Variants in PTPN22 observed in about 807,000 individuals in gnomAD.
The protein encoded by PTPN22 is protein tyrosine phosphatase non-receptor type 22, also known as tyrosine-protein phosphatase non-receptor type 22.
PTPN22 carries 85 observed loss-of-function variants against 103.3 expected under a neutral mutation model. That is an observed-to-expected ratio of 0.82 (90% confidence interval 0.69 to 0.99). The LOEUF is 0.99. Among genes scored for constraint, PTPN22 ranks in the 50% least tolerant of loss-of-function variants. The pLI, the probability that PTPN22 is intolerant of heterozygous loss-of-function variation, is 0.00. For synonymous variants in PTPN22, 323 were observed against 310.2 expected (o/e 1.04, Z -0.43); for missense variants, 865 against 936.9 (o/e 0.92, Z 1.00).
intron 11 of PTPN22, among the ~76,000 whole-genome samples, chr1:113,843,968 C>A (rs371446751): frequency 2.1e-4 from 32 of 152,230 alleles, no homozygotes; most frequent in African/African-American, 7.7e-4. Flanking sequence ...TGGTGACTCA[C>A]GCCTGTAATC....
intron 20 of PTPN22, among the ~76,000 whole-genome samples, chr1:113,816,452 A>AC (rs1265525509): frequency 6.6e-6 from 1 of 150,580 alleles, no homozygotes; most frequent in Non-Finnish European, 1.5e-5. Flanking sequence ...AAAAAAAAAA[A>AC]CAGCATCCAG....
intron 7 of PTPN22, among the ~76,000 whole-genome samples, chr1:113,855,995 A>G (rs993757036): frequency 1.3e-5 from 2 of 152,170 alleles, no homozygotes; most frequent in Non-Finnish European, 2.9e-5. Flanking sequence ...TTGAAGACAT[A>G]TTATAACAAT....
At chr1:113,853,121 T>G (rs1222603401) in intron 9 of PTPN22, among the ~76,000 whole-genome samples, 1 of 150,984 alleles carries the variant, frequency 6.6e-6, no homozygotes, top group East Asian at 2.0e-4. Flanking sequence ...TATTTTTAGT[T>G]GAGACAGGGT....
intron 16 of PTPN22, among the ~76,000 whole-genome samples, chr1:113,831,745 C>T (rs1337164511): frequency 6.6e-6 from 1 of 152,140 alleles, no homozygotes; most frequent in African/African-American, 2.4e-5. Context: ...TCCAGTAATG[C>T]CATCCTGTTT....
chr1:113,854,681 G>C (rs1270216479), intron 8 of PTPN22, 144 bp from the exon 9 acceptor site: 1 of 995,220 alleles, frequency 1.0e-6, no homozygotes, highest in Non-Finnish European at 1.5e-6. Context: ...CCATTTCCCA[G>C]AGCCCATTTG....
intron 18 of PTPN22, among the ~76,000 whole-genome samples, chr1:113,826,659 A>ATTTTTTTT: frequency 1.6e-5 from 1 of 63,098 alleles, no homozygotes; most frequent in African/African-American, 6.8e-5. Context: ...GGAGTCTCTA[A>ATTTTTTTT]TTTTTTTTTT....
chr1:113,859,190 G>T, intron 2 of PTPN22, 112 bp from the exon 3 acceptor site: 1 of 1,542,516 alleles, frequency 6.5e-7, no homozygotes, highest in South Asian at 1.2e-5. Flanking sequence ...GTGAGTGAAT[G>T]AATGAATGAA....
chr1:113,854,018 A>G (rs1396760083), intron 9 of PTPN22, among the ~76,000 whole-genome samples: 1 of 151,340 alleles, frequency 6.6e-6, no homozygotes, highest in African/African-American at 2.4e-5. Context: ...GGCGTCCACC[A>G]CCATGCCCGG....
intron 11 of PTPN22, among the ~76,000 whole-genome samples, chr1:113,848,193 T>C (rs1184141894): frequency 2.0e-5 from 3 of 151,186 alleles, no homozygotes; most frequent in Non-Finnish European, 4.4e-5. Flanking sequence ...GGACTACAGG[T>C]ATGCCCCACC....
chr1:113,826,676 T>TAA, intron 18 of PTPN22, among the ~76,000 whole-genome samples: 1 of 134,744 alleles, frequency 7.4e-6, no homozygotes, highest in African/African-American at 2.8e-5. Flanking sequence ...TTTTTTTTTT[T>TAA]TTTTTTTTTT....
intron 11 of PTPN22, among the ~76,000 whole-genome samples, chr1:113,843,108 A>AAAAAAAAAAAAG (rs1351001407): frequency 4.8e-5 from 7 of 146,088 alleles, no homozygotes; most frequent in South Asian, 2.2e-4. Context: ...TCAAAAAAAA[A>AAAAAAAAAAAAG]AAAAAAGAAA....
exon 7 of PTPN22, chr1:113,856,419 T>G: frequency 6.3e-7 from 1 of 1,592,298 alleles, no homozygotes. Flanking sequence ...GATTATATAA[T>G]CAGATTTCCT....
In PTPN22 at chr1:113,859,340, A is replaced by C. The variant is rs1183005531; in HGVS notation, c.196+12T>G. ...GAGAAAGTATGAGTTTATAGAGAGA[A>C]ATGGAACTTACAGGGCAAAATATCC... On this transcript the variant is annotated intron_variant, in intron 2 of 20. Coordinates refer to ENST00000359785, the Ensembl canonical transcript of PTPN22. The C allele has an allele frequency of 6.3e-7, 1 of 1,598,470 alleles. No individual in the cohort carries two copies. The highest frequency in any genetic ancestry group is 2.2e-5 in the East Asian group (1 of 44,796).
intron 11 of PTPN22, among the ~76,000 whole-genome samples, chr1:113,847,698 C>A (rs1664218812): frequency 6.6e-6 from 1 of 151,764 alleles, no homozygotes; most frequent in South Asian, 2.1e-4. Context: ...CATGCCTCAG[C>A]CTCCTGAGTA....
At chr1:113,867,178 A>T (rs1290563929) in intron 1 of PTPN22, among the ~76,000 whole-genome samples, 1 of 152,262 alleles carries the variant, frequency 6.6e-6, no homozygotes, top group African/African-American at 2.4e-5. Context: ...AAATTTCAAC[A>T]GTATAGTTGC....
At chr1:113,833,239 C>G in intron 15 of PTPN22, 101 bp from the exon 16 acceptor site, 1 of 802,502 alleles carries the variant, frequency 1.2e-6, no homozygotes, top group Non-Finnish European at 1.9e-6. Context: ...TGTAATATAG[C>G]TGTAGAGATA....
intron 11 of PTPN22, among the ~76,000 whole-genome samples, chr1:113,848,316 G>A (rs1232406801): frequency 6.6e-6 from 1 of 152,062 alleles, no homozygotes; most frequent in African/African-American, 2.4e-5. Flanking sequence ...AAAATGCTGG[G>A]ATTACAGGTG....
At chr1:113,826,334 G>A (rs995437731) in intron 18 of PTPN22, among the ~76,000 whole-genome samples, 24 of 148,586 alleles carry the variant, frequency 1.6e-4, no homozygotes, top group African/African-American at 5.8e-4. Flanking sequence ...AACAGAGCAA[G>A]ACCCTGTCTA....
At chr1:113,815,347 G>A (rs1436093770) in intron 20 of PTPN22, 6 of 166,006 alleles carry the variant, frequency 3.6e-5, no homozygotes, top group South Asian at 3.2e-4. Context: ...ATATAGCACC[G>A]TTACTTATAA....
Sources: allele counts gnomAD v4.1 joint callset (sites outside exome capture counted in the v4.1 genomes callset), GRCh38; gene constraint gnomAD v4.1.1; transcripts MANE v1.5; gene names NCBI Gene and HGNC (gene_info 2026-07-23, HGNC 2026-07-21).